Variants in VAV2 observed in about 807,000 individuals in gnomAD.
The protein encoded by VAV2 is guanine nucleotide exchange factor VAV2.
Under a neutral mutation model 132.5 loss-of-function variants are expected in VAV2, and 67 were observed. The observed-to-expected ratio is 0.51, with a 90% CI of 0.42 to 0.62. The LOEUF is 0.62. Among genes scored for constraint, VAV2 ranks in the 20% least tolerant of loss-of-function variants. VAV2 has a pLI of 0.00. For synonymous variants in VAV2, 492 were observed against 443.5 expected (o/e 1.11, Z -1.37); for missense variants, 938 against 1,153.6 (o/e 0.81, Z 2.71).
At chr9:133,936,304 G>T (rs369807143) in intron 2 of VAV2, among the ~76,000 whole-genome samples, 2 of 149,098 alleles carry the variant, frequency 1.3e-5, no homozygotes, top group East Asian at 4.0e-4. Context: ...GTGCAGTGGC[G>T]TGATCTCTGC....
chr9:133,783,606 G>C lies in VAV2; in HGVS notation c.1635-15C>G. 1 of 1,613,534 alleles carries C rather than the reference G, an allele frequency of 6.2e-7. No homozygotes were observed. Among genetic ancestry groups the C allele is most frequent in the Non-Finnish European group, 8.5e-7 (1 of 1,179,654 alleles). ...AGAAGGTGCCCCTGCACAGGGGAGG[G>C]CAGGAGGTGAGGTCGAGGCTGGGGT... On this transcript the variant is annotated splice_polypyrimidine_tract_variant and intron_variant, in intron 18 of 29. Coordinates refer to ENST00000371850, the MANE Select transcript of VAV2 (RefSeq NM_001134398.2).
chr9:133,941,116 T>C (rs1338872696), intron 1 of VAV2, among the ~76,000 whole-genome samples: 2 of 152,080 alleles, frequency 1.3e-5, no homozygotes, highest in African/African-American at 4.8e-5. Flanking sequence ...CACTCAAATG[T>C]GGCTAGTCCG....
At chr9:133,820,926 G>A (rs900291720) in intron 4 of VAV2, among the ~76,000 whole-genome samples, 2 of 147,572 alleles carry the variant, frequency 1.4e-5, no homozygotes, top group Non-Finnish European at 1.5e-5. Flanking sequence ...CAGCGAAGAC[G>A]CGGCACACGG....
chr9:133,851,971 G>A (rs1175788884), intron 3 of VAV2, among the ~76,000 whole-genome samples: 1 of 151,926 alleles, frequency 6.6e-6, no homozygotes, highest in Non-Finnish European at 1.5e-5. Flanking sequence ...ATGGATGGAA[G>A]GATGGATGAA....
At chr9:133,920,040 G>C (rs1248408905) in intron 2 of VAV2, among the ~76,000 whole-genome samples, 1 of 152,142 alleles carries the variant, frequency 6.6e-6, no homozygotes, top group African/African-American at 2.4e-5. Flanking sequence ...CCCCAGTGTG[G>C]ACCCCATCCT....
intron 23 of VAV2, among the ~76,000 whole-genome samples, chr9:133,776,340 CT>C (rs1397034679): frequency 4.6e-5 from 7 of 152,244 alleles, no homozygotes; most frequent in Admixed American, 3.9e-4. Context: ...ACTTGATCCC[CT>C]GGGACAGCAA....
Position 133,768,387 on chromosome 9 carries a change from C to T in VAV2, c.2589+55G>A. 1.3e-6 allele frequency: 2 copies of T among 1,586,616 alleles called. No homozygotes were observed. The highest frequency in any genetic ancestry group is 1.7e-6 in the Non-Finnish European group (2 of 1,169,690). ...GTGGTGCTAGTCTGCCTGAGCCCGA[C>T]CAGGTAGGGGCTGCAGCGAGGCCAG... On this transcript the variant is annotated intron_variant, in intron 29 of 29. Coordinates refer to ENST00000371850, the MANE Select transcript of VAV2 (RefSeq NM_001134398.2). The surrounding 1 kb of genome is among the most constrained non-coding windows in gnomAD (Gnocchi z 5.3).
At chr9:133,934,685 C>T (rs1840838698) in intron 2 of VAV2, among the ~76,000 whole-genome samples, 1 of 152,244 alleles carries the variant, frequency 6.6e-6, no homozygotes, top group Non-Finnish European at 1.5e-5. Context: ...CTGAAGATCA[C>T]ACCATTGCTT....
At chr9:133,868,295 G>A (rs1332986066) in intron 2 of VAV2, among the ~76,000 whole-genome samples, 4 of 152,236 alleles carry the variant, frequency 2.6e-5, no homozygotes, top group Admixed American at 1.3e-4. Flanking sequence ...CCCATGAGGT[G>A]GGGCGCGGTG....
At chr9:133,814,392 G>A (rs965189104) in intron 4 of VAV2, among the ~76,000 whole-genome samples, 1 of 152,228 alleles carries the variant, frequency 6.6e-6, no homozygotes, top group African/African-American at 2.4e-5. Context: ...CCACGTTTCC[G>A]TCACGTGGCA....
At chr9:133,783,930 G>A (rs1231991236) in intron 18 of VAV2, among the ~76,000 whole-genome samples, 1 of 149,042 alleles carries the variant, frequency 6.7e-6, no homozygotes, top group Non-Finnish European at 1.5e-5. Context: ...ACCCAGGCTG[G>A]AGTGCAGTGG....
chr9:133,867,889 TC>T (rs1407189225), intron 2 of VAV2, among the ~76,000 whole-genome samples: 2 of 152,172 alleles, frequency 1.3e-5, no homozygotes, highest in Admixed American at 1.3e-4. Context: ...CACAGCAGCC[TC>T]CAGCATCGTT....
chr9:133,781,502 T>C (rs1409597779), intron 19 of VAV2, among the ~76,000 whole-genome samples: 1 of 152,104 alleles, frequency 6.6e-6, no homozygotes, highest in African/African-American at 2.4e-5. Context: ...GGGGGGCAGC[T>C]GGACGGCAGC....
intron 2 of VAV2, among the ~76,000 whole-genome samples, chr9:133,893,779 C>T (rs903440019): frequency 3.3e-5 from 5 of 152,220 alleles, no homozygotes; most frequent in East Asian, 1.9e-4. Context: ...GGCCCAGCAT[C>T]GCAGCAAGTG....
intron 1 of VAV2, among the ~76,000 whole-genome samples, chr9:133,971,509 G>A (rs1336219916): frequency 1.3e-5 from 2 of 152,072 alleles, no homozygotes; most frequent in Non-Finnish European, 2.9e-5. Flanking sequence ...GCCACCAGAC[G>A]GCAACACCAG....
At chr9:133,904,542 A>T (rs1342218205) in intron 2 of VAV2, among the ~76,000 whole-genome samples, 1 of 152,270 alleles carries the variant, frequency 6.6e-6, no homozygotes, top group Admixed American at 6.5e-5. Flanking sequence ...GCAACAAAGC[A>T]CGTGTCCAGC....
rs927411415 is a variant in VAV2 at position 133,961,528 on chromosome 9, C to T, written c.205-22309G>A. On this transcript the variant is annotated intron_variant, in intron 1 of 29. Coordinates refer to ENST00000371850, the MANE Select transcript of VAV2 (RefSeq NM_001134398.2). The surrounding 1 kb of genome is among the most constrained non-coding windows in gnomAD (Gnocchi z 4.1). ...GAGGCATGGAGGGAGCCCTTTCCCA[C>T]CCCCCGCTCAACAGGAACACAGCTG... Among the ~76,000 whole-genome samples the T allele has an allele frequency of 6.6e-6, 1 of 152,114 alleles. No homozygotes were observed. Among genetic ancestry groups the T allele is most frequent in the Non-Finnish European group, 1.5e-5 (1 of 68,036 alleles).
chr9:133,793,397 C>G (rs1304172274), intron 12 of VAV2, among the ~76,000 whole-genome samples: 1 of 151,554 alleles, frequency 6.6e-6, no homozygotes, highest in Non-Finnish European at 1.5e-5. Context: ...GAAGACCTCA[C>G]CATTGGCTCC....
intron 2 of VAV2, among the ~76,000 whole-genome samples, chr9:133,909,748 C>G (rs1200026994): frequency 6.6e-6 from 1 of 152,172 alleles, no homozygotes; most frequent in Non-Finnish European, 1.5e-5. Flanking sequence ...CCCTGAGACT[C>G]CTCTCCTCTA....
Sources: gnomAD v4.1 joint callset for allele counts (sites outside exome capture counted in the v4.1 genomes callset) on GRCh38, gnomAD v4.1.1 for gene constraint, Gnocchi (gnomAD v3.1) non-coding constraint, MANE v1.5 for transcripts, NCBI Gene and HGNC (gene_info 2026-07-23, HGNC 2026-07-21) for gene names.